Variants in TRAPPC9 observed in about 807,000 individuals in gnomAD.
TRAPPC9 encodes trafficking protein particle complex subunit 9.
TRAPPC9 carries 83 observed loss-of-function variants against 124.0 expected under a neutral mutation model. The observed-to-expected ratio is 0.67, with a 90% CI of 0.56 to 0.80. The LOEUF (loss-of-function observed/expected upper bound fraction) is 0.80. TRAPPC9 is among the 30% of genes least tolerant of loss of function. TRAPPC9 has a pLI of 0.00. For synonymous variants in TRAPPC9, 638 were observed against 617.5 expected (o/e 1.03, Z -0.49); for missense variants, 1,302 against 1,508.3 (o/e 0.86, Z 2.27).
chr8:140,327,139 G>C (rs1165040330), intron 9 of TRAPPC9, among the ~76,000 whole-genome samples: 3 of 152,114 alleles, frequency 2.0e-5, no homozygotes, highest in Non-Finnish European at 4.4e-5. Context: ...TGTTGTCCCA[G>C]CTACTCGGGA....
chr8:139,977,424 C>A (rs988045657), intron 19 of TRAPPC9, among the ~76,000 whole-genome samples: 37 of 151,900 alleles, frequency 2.4e-4, no homozygotes, highest in African/African-American at 8.9e-4. Context: ...CGAGACCACC[C>A]TGGCTAACAT....
rs928518002 is a variant in TRAPPC9 at position 139,962,070 on chromosome 8, C to A, written c.2810+26656G>T. Among the ~76,000 whole-genome samples the A allele has an allele frequency of 2.2e-4, 28 of 124,552 alleles. 5 individuals are homozygous for A. Among genetic ancestry groups the A allele is most frequent in the Admixed American group, 1.2e-3 (14 of 11,818 alleles). The allele number at this position is 124,552 out of a possible 152,430, so 81.7% of individuals were successfully genotyped here. A position where few individuals can be genotyped will look rare whatever the true frequency, so the allele number is the denominator to read the frequency against. The stretch of plus-strand genomic sequence containing the variant: ...TCCAGGGCCTCTTCTCTGCTGAGAA[C>A]TGAACACTTGAAGGATGACTTGCCT... On this transcript the variant is annotated intron_variant, in intron 19 of 22. Coordinates refer to ENST00000438773, the MANE Select transcript of TRAPPC9 (RefSeq NM_001160372.4).
At chr8:139,732,589 A>G (rs1817912655) in intron 21 of TRAPPC9, among the ~76,000 whole-genome samples, 1 of 152,204 alleles carries the variant, frequency 6.6e-6, no homozygotes, top group Non-Finnish European at 1.5e-5. Context: ...AAAGTGCCGC[A>G]GGTCAGGGGT....
intron 16 of TRAPPC9, among the ~76,000 whole-genome samples, chr8:140,238,745 G>A (rs958197979): frequency 4.6e-5 from 7 of 152,326 alleles, no homozygotes; most frequent in Middle Eastern, 3.4e-3. Context: ...ACAACAATGC[G>A]CCCCTCTTGT....
intron 9 of TRAPPC9, among the ~76,000 whole-genome samples, chr8:140,342,316 A>G (rs1034600520): frequency 6.6e-6 from 1 of 152,198 alleles, no homozygotes; most frequent in African/African-American, 2.4e-5. Flanking sequence ...GTATTTTCCT[A>G]TAACTAGTAT....
chr8:140,060,097 C>T (rs1003128513), intron 17 of TRAPPC9, among the ~76,000 whole-genome samples: 2 of 152,162 alleles, frequency 1.3e-5, no homozygotes, highest in African/African-American at 4.8e-5. Flanking sequence ...AGTGTCAGGT[C>T]TCCTTTTGAT....
At chr8:140,370,439 C>A (rs2068249403) in intron 8 of TRAPPC9, among the ~76,000 whole-genome samples, 2 of 152,062 alleles carry the variant, frequency 1.3e-5, no homozygotes. Flanking sequence ...CGTGCCTGGC[C>A]CCCAAAAATG....
At chr8:140,120,805 C>T (rs2060973174) in intron 17 of TRAPPC9, among the ~76,000 whole-genome samples, 1 of 151,920 alleles carries the variant, frequency 6.6e-6, no homozygotes, top group Non-Finnish European at 1.5e-5. Flanking sequence ...TCCATCCATC[C>T]ATTCATCCAT....
chr8:140,381,047 A>T (rs2068591608), intron 7 of TRAPPC9, among the ~76,000 whole-genome samples: 1 of 152,002 alleles, frequency 6.6e-6, no homozygotes, highest in African/African-American at 2.4e-5. Flanking sequence ...TTTACTAAAA[A>T]TACAAAAATT....
At chr8:140,430,299 A>G (rs2132573912) in intron 4 of TRAPPC9, among the ~76,000 whole-genome samples, 1 of 152,248 alleles carries the variant, frequency 6.6e-6, no homozygotes, top group Non-Finnish European at 1.5e-5. Context: ...ATTTAAACTG[A>G]GGGGGAAGAT....
intron 7 of TRAPPC9, among the ~76,000 whole-genome samples, chr8:140,385,709 C>G (rs188489923): frequency 6.6e-6 from 1 of 152,090 alleles, no homozygotes; most frequent in Non-Finnish European, 1.5e-5. Context: ...CAGGACCAGA[C>G]GGATTCACAG....
chr8:139,762,599 G>A (rs908824106), intron 21 of TRAPPC9, among the ~76,000 whole-genome samples: 1 of 152,158 alleles, frequency 6.6e-6, no homozygotes, highest in Non-Finnish European at 1.5e-5. Flanking sequence ...GAAAAGGTAT[G>A]GTAAAAATAA....
intron 21 of TRAPPC9, among the ~76,000 whole-genome samples, chr8:139,755,523 A>G (rs1180007784): frequency 5.9e-5 from 8 of 135,292 alleles, no homozygotes; most frequent in Admixed American, 7.4e-5. Context: ...AGGTCGCAGG[A>G]GGAGCCAGGG....
intron 16 of TRAPPC9, among the ~76,000 whole-genome samples, chr8:140,249,017 C>CT (rs33992585): frequency 0.25 from 38,011 of 151,886 alleles, 6,434 homozygotes; most frequent in East Asian, 0.86. Context: ...CTAAAGCCAA[C>CT]TTTTTTTTGT....
intron 19 of TRAPPC9, among the ~76,000 whole-genome samples, chr8:139,971,762 CACATAT>C (rs1836099889): frequency 7.3e-6 from 1 of 137,602 alleles, no homozygotes; most frequent in African/African-American, 2.7e-5. Flanking sequence ...CACACACACA[CACATAT>C]ATATATACAC....
At chr8:140,113,668 T>A (rs953135078) in intron 17 of TRAPPC9, among the ~76,000 whole-genome samples, 5 of 152,132 alleles carry the variant, frequency 3.3e-5, no homozygotes, top group Admixed American at 3.3e-4. Context: ...GGAAGCAACT[T>A]CCACTTCCTA....
intron 17 of TRAPPC9, among the ~76,000 whole-genome samples, chr8:140,213,190 C>T (rs6578082): frequency 1 from 151,407 of 152,138 alleles, 75,341 homozygotes; most frequent in South Asian, 1. Context: ...CTCATGATCT[C>T]ATATGGGAAG....
rs763662550 is a variant in TRAPPC9, at chr8:140,439,110, C to A, written c.672G>T (p.Val224=). The A allele has an allele frequency of 3.1e-6, 5 of 1,614,222 alleles. No individual in the cohort carries two copies. In the South Asian group the frequency reaches 5.5e-5, roughly 18 times the overall value. Residue 224 remains valine (V), a synonymous_variant, in exon 3 of 23, where the codon GTG becomes GTT. Coordinates refer to ENST00000438773, the MANE Select transcript of TRAPPC9 (RefSeq NM_001160372.4). The part of the protein sequence containing the change: ...LQAGMLQDSL[V]HYHMSVELLR... ...GCAGCTCCACCGACATGTGGTAATGCACCAGGGAGTCCTGCAGCATCCCTG... is the reference window on the plus strand; with the variant it reads ...GCAGCTCCACCGACATGTGGTAATGAACCAGGGAGTCCTGCAGCATCCCTG...
At chr8:139,737,451 G>A (rs1223612902) in intron 21 of TRAPPC9, among the ~76,000 whole-genome samples, 1 of 136,470 alleles carries the variant, frequency 7.3e-6, no homozygotes. Flanking sequence ...GCCTTCAGGC[G>A]GGGGTCATCA....
Sources: allele counts gnomAD v4.1 joint callset (sites outside exome capture counted in the v4.1 genomes callset), GRCh38; gene constraint gnomAD v4.1.1; transcripts MANE v1.5; gene names NCBI Gene and HGNC (gene_info 2026-07-23, HGNC 2026-07-21).